MYO6: variants seen among roughly 807,000 people sequenced by gnomAD.
MYO6 encodes unconventional myosin-VI.
MYO6 carries 74 observed loss-of-function variants against 178.7 expected under a neutral mutation model. That is an observed-to-expected ratio of 0.41 (90% CI 0.34 to 0.50). The LOEUF (loss-of-function observed/expected upper bound fraction) is 0.50, where lower values mean the gene tolerates loss of function less well. Ranked by LOEUF, MYO6 falls within the 20% of genes least tolerant of loss-of-function variation. The pLI, the probability that MYO6 is intolerant of heterozygous loss-of-function variation, is 0.09. For missense variants in MYO6, 1,330 were observed against 1,547.4 expected, an observed-to-expected ratio of 0.86 and a Z score of 2.36; for synonymous variants, 477 against 504.6, an observed-to-expected ratio of 0.95 and a Z score of 0.73.
At chr6:75,773,631 A>G (rs1766100932) in intron 1 of MYO6, among the ~76,000 whole-genome samples, 2 of 152,192 alleles carry the variant, frequency 1.3e-5, no homozygotes, top group South Asian at 4.1e-4. Flanking sequence ...ACCATCATCA[A>G]GCTTATGTTG....
chr6:75,833,342 A>G lies in MYO6; in HGVS notation c.497+395A>G, dbSNP rs1024484145. Among the ~76,000 whole-genome samples, 6 of 152,230 alleles carry G rather than the reference A, an allele frequency of 3.9e-5. No individual in the cohort carries two copies. In the East Asian group the frequency reaches 5.8e-4, roughly 15 times the overall value. On this transcript the variant is annotated intron_variant, in intron 6 of 34. Coordinates refer to ENST00000369977, the MANE Select transcript of MYO6 (RefSeq NM_004999.4). ...AAAAATACTTAAGTAAAAGTTGTCAACCATTTCTAAGTGTATAGCATAGTA... is the reference window on the plus strand; with the variant it reads ...AAAAATACTTAAGTAAAAGTTGTCAGCCATTTCTAAGTGTATAGCATAGTA...
chr6:75,861,168 C>A, intron 15 of MYO6, 73 bp downstream of exon 15: 1 of 1,179,594 alleles, frequency 8.5e-7, no homozygotes, highest in African/African-American at 1.5e-5. Flanking sequence ...TTTTTCTGTG[C>A]TTTTTAATTG....
At chr6:75,761,801 G>A (rs1423415314) in intron 1 of MYO6, among the ~76,000 whole-genome samples, 1 of 150,730 alleles carries the variant, frequency 6.6e-6, no homozygotes, top group Non-Finnish European at 1.5e-5. Flanking sequence ...CAGAACATGT[G>A]GACAACAGAG....
chr6:75,836,680 T>G (rs908188819), intron 7 of MYO6, among the ~76,000 whole-genome samples: 5 of 151,906 alleles, frequency 3.3e-5, no homozygotes, highest in African/African-American at 4.8e-5. Flanking sequence ...CCTCCTGGGT[T>G]CAGGTGATTC....
At chr6:75,885,112 G>A (rs9341540) in intron 23 of MYO6, among the ~76,000 whole-genome samples, 19,767 of 152,256 alleles carry the variant, frequency 0.13, 1,364 homozygotes, top group Non-Finnish European at 0.15. Flanking sequence ...CAGCTTAGAG[G>A]TTAGAAGCAA....
rs745915772 is a variant in MYO6, at chr6:75,914,872, C to T, written c.3718C>T (p.Arg1240Cys). 4.2e-5 allele frequency: 68 copies of T among 1,613,978 alleles called. No individual in the cohort carries two copies. The highest frequency in any genetic ancestry group is 1.1e-4 in the South Asian group (10 of 91,080). The change falls in exon 35 of 35, where the codon CGT (arginine) becomes TGT (cysteine). Residue 1240 changes from arginine to cysteine, a missense_variant. Transcript: ENST00000369977. ...NLEETGLTRK[R>C]GAEILPRQFE... Reference sequence around the variant, plus strand: ...TGAGGAGACTGGCCTGACTCGGAAGCGTGGTGCTGAGATCTTGCCAAGACA... The same window carrying T: ...TGAGGAGACTGGCCTGACTCGGAAGTGTGGTGCTGAGATCTTGCCAAGACA...
At chr6:75,850,925 A>G (rs1299531588) in intron 11 of MYO6, among the ~76,000 whole-genome samples, 1 of 152,122 alleles carries the variant, frequency 6.6e-6, no homozygotes, top group Non-Finnish European at 1.5e-5. Context: ...AAAATTAGAT[A>G]TGTTCTTAAT....
intron 1 of MYO6, among the ~76,000 whole-genome samples, chr6:75,794,981 A>G (rs1198924053): frequency 6.6e-6 from 1 of 152,158 alleles, no homozygotes; most frequent in Non-Finnish European, 1.5e-5. Context: ...CCAGGATGGT[A>G]ATTCTTGTGA....
intron 16 of MYO6, among the ~76,000 whole-genome samples, chr6:75,865,072 C>T (rs1776534032): frequency 6.6e-6 from 1 of 152,054 alleles, no homozygotes; most frequent in African/African-American, 2.4e-5. Flanking sequence ...TTGAGCAAGC[C>T]TCTAAGGTTC....
rs947216911 is a variant in MYO6, at chr6:75,830,548, A to G, written c.391+3A>G. On this transcript the variant is annotated splice_donor_region_variant and intron_variant, in intron 5 of 34. Coordinates refer to ENST00000369977, the MANE Select transcript of MYO6 (RefSeq NM_004999.4). The stretch of plus-strand genomic sequence containing the variant: ...ACCACCTCATGTCTTTGCAATTGGT[A>G]AGTGATTTTAAATGTATTTTAATTC... The G allele has an allele frequency of 3.1e-6, 5 of 1,610,072 alleles. No individual in the cohort carries two copies. The East Asian group carries it at 6.7e-5, about 22-fold the overall frequency.
intron 7 of MYO6, 52 bp downstream of exon 7, chr6:75,836,008 C>T (rs746674044): frequency 8.2e-7 from 1 of 1,223,152 alleles, no homozygotes; most frequent in Non-Finnish European, 1.2e-6. Context: ...ATTTACAAGA[C>T]TTCTTTTAGT....
intron 30 of MYO6, among the ~76,000 whole-genome samples, chr6:75,903,114 T>G (rs1779958233): frequency 6.6e-6 from 1 of 152,214 alleles, no homozygotes; most frequent in East Asian, 1.9e-4. Context: ...TTTCTCTTCC[T>G]TTACATTTGC....
chr6:75,803,540 C>T (rs552498746), intron 1 of MYO6, among the ~76,000 whole-genome samples: 16 of 152,018 alleles, frequency 1.1e-4, no homozygotes, highest in African/African-American at 3.9e-4. Context: ...AGTTGATCTG[C>T]GTATTTTGTC....
chr6:75,832,566 G>A (rs1397312000), intron 5 of MYO6, among the ~76,000 whole-genome samples: 1 of 152,082 alleles, frequency 6.6e-6, no homozygotes, highest in East Asian at 1.9e-4. Context: ...GAAGAGATGA[G>A]CCACAGCCCA....
chr6:75,784,898 GTTTAA>G (rs763651949), intron 1 of MYO6, among the ~76,000 whole-genome samples: 5 of 151,950 alleles, frequency 3.3e-5, no homozygotes, highest in Non-Finnish European at 5.9e-5. Context: ...GTGATTTGTG[GTTTAA>G]TTTGTTAATC....
At chr6:75,796,597 C>T (rs1015240584) in intron 1 of MYO6, among the ~76,000 whole-genome samples, 2 of 151,060 alleles carry the variant, frequency 1.3e-5, no homozygotes, top group South Asian at 4.2e-4. Context: ...TCTCTGCCCC[C>T]TCTAGTAGTC....
chr6:75,881,679 C>T lies in MYO6; in HGVS notation c.2287-10C>T. On this transcript the variant is annotated splice_polypyrimidine_tract_variant and intron_variant, in intron 22 of 34. Transcript: ENST00000369977. ...TTTTAATACTGATACTAAATTATTT[C>T]ACTTCCTAGTTTGCAGAATTTGATC... 1.9e-6 allele frequency: 3 copies of T among 1,612,016 alleles called. No individual in the cohort carries two copies. Among genetic ancestry groups the T allele is most frequent in the Non-Finnish European group, 2.5e-6 (3 of 1,178,332 alleles).
intron 1 of MYO6, among the ~76,000 whole-genome samples, chr6:75,811,968 G>T (rs1770736334): frequency 6.6e-6 from 1 of 152,122 alleles, no homozygotes; most frequent in Non-Finnish European, 1.5e-5. Context: ...TTAAGAGCTT[G>T]TTAGAAAGTG....
chr6:75,913,887 G>T (rs1780955420), intron 33 of MYO6, among the ~76,000 whole-genome samples, 176 bp from the exon 34 acceptor site: 1 of 152,100 alleles, frequency 6.6e-6, no homozygotes, highest in Non-Finnish European at 1.5e-5. Context: ...ACAATTCTAA[G>T]AAGTAACACT....
Sources: gnomAD v4.1 joint callset for allele counts (sites outside exome capture counted in the v4.1 genomes callset) on GRCh38, gnomAD v4.1.1 for gene constraint, MANE v1.5 for transcripts, NCBI Gene and HGNC (gene_info 2026-07-23, HGNC 2026-07-21) for gene names.